Variants in CEP70 observed in about 807,000 individuals in gnomAD.
CEP70 encodes centrosomal protein of 70 kDa.
In CEP70, 70 loss-of-function variants were observed where a neutral mutation model predicts 90.9. The ratio of observed to expected loss-of-function variants is 0.77; its 90% CI spans 0.64 to 0.94. The LOEUF is 0.94. Among genes scored for constraint, CEP70 ranks in the 40% least tolerant of loss-of-function variants. The pLI is 0.00. For missense variants in CEP70, 648 were observed against 669.0 expected (o/e 0.97, Z 0.35); for synonymous variants, 220 against 228.3 (o/e 0.96, Z 0.33).
At chr3:138,581,718 AT>A (rs2041870936) in intron 2 of CEP70, among the ~76,000 whole-genome samples, 1 of 149,794 alleles carries the variant, frequency 6.7e-6, no homozygotes, top group Non-Finnish European at 1.5e-5. Context: ...AAAAAAAAGA[AT>A]AAGAAAAGAA....
intron 11 of CEP70, among the ~76,000 whole-genome samples, chr3:138,519,039 A>G (rs1158398438): frequency 6.6e-6 from 1 of 152,232 alleles, no homozygotes; most frequent in Admixed American, 6.5e-5. Flanking sequence ...ACGAATGCAC[A>G]AGCCTCAGTA....
chr3:138,549,927 G>A (rs2039496228), intron 6 of CEP70, among the ~76,000 whole-genome samples: 1 of 152,110 alleles, frequency 6.6e-6, no homozygotes, highest in Non-Finnish European at 1.5e-5. Context: ...CTGGAGCCTG[G>A]TAGCCCTTCT....
intron 11 of CEP70, among the ~76,000 whole-genome samples, chr3:138,523,214 G>GAGATA (rs2036856344): frequency 1.3e-4 from 20 of 152,132 alleles, no homozygotes; most frequent in Non-Finnish European, 2.4e-4. Flanking sequence ...AGGTATTGAT[G>GAGATA]GGACATATCT....
chr3:138,529,198 C>T lies in CEP70; in HGVS notation c.869+1G>A, dbSNP rs377552797. On this transcript the variant is annotated splice_donor_variant, in intron 10 of 17. Coordinates refer to ENST00000264982, the MANE Select transcript of CEP70 (RefSeq NM_024491.4). LOFTEE classifies it high-confidence loss of function. ...AAAAAAAAAAATTAAGTTTCTCTCACCTGGTTTCCAAATCTTTTTGGAGGT... is the reference window on the plus strand; with the variant it reads ...AAAAAAAAAAATTAAGTTTCTCTCATCTGGTTTCCAAATCTTTTTGGAGGT... 9 of 1,576,580 alleles carry T rather than the reference C, an allele frequency of 5.7e-6. No homozygotes were observed. In the African/African-American group the frequency reaches 1.1e-4, roughly 19 times the overall value.
At chr3:138,524,483 G>T (rs529142694) in intron 11 of CEP70, among the ~76,000 whole-genome samples, 1 of 152,082 alleles carries the variant, frequency 6.6e-6, no homozygotes, top group African/African-American at 2.4e-5. Context: ...GCGACCTACA[G>T]AATGGGAGAA....
At chr3:138,581,465 A>T (rs571150442) in intron 2 of CEP70, among the ~76,000 whole-genome samples, 2 of 152,012 alleles carry the variant, frequency 1.3e-5, no homozygotes, top group African/African-American at 4.8e-5. Context: ...GCACTTTGAG[A>T]GGTGAAGGTG....
intron 2 of CEP70, among the ~76,000 whole-genome samples, chr3:138,581,882 A>T (rs2041878779): frequency 6.6e-6 from 1 of 151,954 alleles, no homozygotes; most frequent in Admixed American, 6.5e-5. Context: ...TCCCAAGGTC[A>T]AGAAAAAAAA....
intron 2 of CEP70, among the ~76,000 whole-genome samples, chr3:138,585,788 G>A (rs1392137744): frequency 2.0e-5 from 3 of 152,146 alleles, no homozygotes; most frequent in Non-Finnish European, 2.9e-5. Flanking sequence ...ATACATTGGG[G>A]AAAGAAAAGT....
intron 10 of CEP70, among the ~76,000 whole-genome samples, chr3:138,526,144 G>C (rs957594667): frequency 3.3e-5 from 5 of 151,840 alleles, no homozygotes; most frequent in Non-Finnish European, 4.4e-5. Flanking sequence ...CTCCATTAAG[G>C]TATAAGTTTT....
At chr3:138,542,955 C>G (rs1052516034) in intron 6 of CEP70, among the ~76,000 whole-genome samples, 1 of 152,158 alleles carries the variant, frequency 6.6e-6, no homozygotes, top group Non-Finnish European at 1.5e-5. Context: ...CTGAGTCTAG[C>G]TGAGCCTTGG....
chr3:138,497,473 GTC>G, intron 17 of CEP70: 1 of 1,104,362 alleles, frequency 9.1e-7, no homozygotes, highest in Non-Finnish European at 1.1e-6. Flanking sequence ...ACTAGATAAG[GTC>G]TCTATTTTGC....
chr3:138,560,700 C>T (rs1177377422), intron 6 of CEP70, among the ~76,000 whole-genome samples: 1 of 152,192 alleles, frequency 6.6e-6, no homozygotes, highest in African/African-American at 2.4e-5. Context: ...GGGGCGTCCA[C>T]CACTGCTGAG....
At chr3:138,545,072 C>T (rs2039081580) in intron 6 of CEP70, among the ~76,000 whole-genome samples, 1 of 151,936 alleles carries the variant, frequency 6.6e-6, no homozygotes, top group South Asian at 2.1e-4. Flanking sequence ...CTAATGTCTC[C>T]AACATAAAAA....
intron 14 of CEP70, 27 bp from the exon 15 acceptor site, chr3:138,500,594 A>G: frequency 6.5e-7 from 1 of 1,537,336 alleles, no homozygotes; most frequent in Non-Finnish European, 8.6e-7. Flanking sequence ...TAAAAAAGAA[A>G]GAGTTCATTA....
intron 6 of CEP70, among the ~76,000 whole-genome samples, chr3:138,552,408 T>C (rs1010848070): frequency 7.9e-5 from 12 of 152,152 alleles, no homozygotes; most frequent in Non-Finnish European, 1.6e-4. Context: ...ATCTCCAAGA[T>C]AGACCATATG....
chr3:138,571,379 A>C, intron 3 of CEP70, 23 bp from the exon 4 acceptor site: 2 of 1,472,826 alleles, frequency 1.4e-6, no homozygotes, highest in Non-Finnish European at 1.9e-6. Flanking sequence ...AAAGAGAAGA[A>C]AGGGTTAACT....
intron 8 of CEP70, among the ~76,000 whole-genome samples, chr3:138,530,375 G>T (rs965600548): frequency 2.6e-5 from 4 of 151,984 alleles, no homozygotes; most frequent in African/African-American, 9.7e-5. Context: ...GTGTGCACTG[G>T]GTACATGCAT....
intron 1 of CEP70, chr3:138,593,635 A>G (rs1353095265): frequency 1.3e-5 from 2 of 152,196 alleles, no homozygotes; most frequent in Non-Finnish European, 2.9e-5. Flanking sequence ...AAAAACTCCT[A>G]TTAGGCCCTG....
chr3:138,549,406 C>T (rs1039441599), intron 6 of CEP70, among the ~76,000 whole-genome samples: 2 of 151,724 alleles, frequency 1.3e-5, no homozygotes, highest in African/African-American at 2.4e-5. Flanking sequence ...TTTTGGATTG[C>T]GTGGGAGCTG....
Sources: allele counts gnomAD v4.1 joint callset (sites outside exome capture counted in the v4.1 genomes callset), GRCh38; gene constraint gnomAD v4.1.1; transcripts MANE v1.5; gene names NCBI Gene and HGNC (gene_info 2026-07-23, HGNC 2026-07-21).